Variants in PUF60 observed in about 807,000 individuals in gnomAD.
PUF60 encodes poly(U)-binding-splicing factor PUF60.
A neutral mutation model predicts 61.8 loss-of-function variants in PUF60; 10 were observed. The ratio of observed to expected loss-of-function variants is 0.16; its 90% CI spans 0.10 to 0.27. The LOEUF (loss-of-function observed/expected upper bound fraction) is 0.27. Among genes scored for constraint, PUF60 ranks in the 10% least tolerant of loss-of-function variants. The pLI, the probability that PUF60 is intolerant of heterozygous loss-of-function variation, is 1.00. For missense variants in PUF60, 371 were observed against 754.0 expected (o/e 0.49, Z 5.95); for synonymous variants, 353 against 300.9 (o/e 1.17, Z -1.79).
At chr8:143,829,112 G>A in intron 1 of PUF60, 168 bp downstream of exon 1, 5 of 1,154,632 alleles carry the variant, frequency 4.3e-6, no homozygotes, top group Non-Finnish European at 5.3e-6. Context: ...CCGGCCGCCG[G>A]CGCGCGCCCG....
chr8:143,821,629 C>T lies in PUF60; in HGVS notation c.265G>A (p.Ala89Thr), dbSNP rs2130329633. The T allele has an allele frequency of 1.3e-6, 2 of 1,545,840 alleles. No homozygotes were observed. Among genetic ancestry groups the T allele is most frequent in the Non-Finnish European group, 1.7e-6 (2 of 1,147,074 alleles). Residue 89 changes from alanine to threonine, a missense_variant, in exon 4 of 12, where the codon GCG (alanine) becomes ACG (threonine). By Grantham distance (58) the Ala-to-Thr change is moderately conservative. Transcript: ENST00000526683. ...IKSVLVKQTI[A>T]HQQQQLTNLQ... ...TTGGTGAGCTGCTGCTGCTGGTGCGCGATGGTCTGCTTCACCAGCACACTC... is the reference window on the plus strand; with the variant it reads ...TTGGTGAGCTGCTGCTGCTGGTGCGTGATGGTCTGCTTCACCAGCACACTC...
In PUF60 at chr8:143,824,337, C is replaced by T. The variant is rs373087530; in HGVS notation, c.87G>A (p.Ala29=). 1.5e-5 allele frequency: 24 copies of T among 1,612,228 alleles called. No individual in the cohort carries two copies. Among genetic ancestry groups the T allele is most frequent in the Non-Finnish European group, 1.9e-5 (23 of 1,179,648 alleles). ...CCTGTGGAGGTTTCCATTTGTCTCC[C>T]GCTGCCACCACTGCCGCCGCCGCCG... is the stretch of plus-strand genomic sequence containing the variant. ...EPAAAAAVVA[A]GDKWKPPQGT... The change falls in exon 2 of 12, where the codon GCG becomes GCA. Residue 29 remains alanine, a synonymous_variant. Transcript: ENST00000526683.
intron 1 of PUF60, chr8:143,824,687 A>G (rs1817448218): frequency 6.5e-6 from 3 of 462,854 alleles, no homozygotes; most frequent in African/African-American, 5.9e-5. Flanking sequence ...GCCCCAGGCA[A>G]AAGAAAGCCA....
rs1166113935 is a variant in PUF60, at chr8:143,817,959, A to G, written c.720T>C (p.Asp240=). 2 of 1,612,890 alleles carry G rather than the reference A, an allele frequency of 1.2e-6. No individual in the cohort carries two copies. The highest frequency in any genetic ancestry group is 1.7e-6 in the Non-Finnish European group (2 of 1,179,850). ...AGGCCTCAAACACGCTCTTGATGTC[A>G]TCGTCTGAGAGGTCCTGGTGCACAG... ...VASVHQDLSD[D]DIKSVFEAFG... is the part of the protein sequence containing the mutation. Residue 240 remains aspartate, a synonymous_variant, in exon 8 of 12, where the codon GAT becomes GAC. Transcript: ENST00000526683. The surrounding 1 kb of genome is among the most constrained non-coding windows in gnomAD (Gnocchi z 7.4).
chr8:143,821,841 C>A lies in PUF60; in HGVS notation c.184G>T (p.Glu62Ter). 6.2e-7 allele frequency: 1 copy of A among 1,610,834 alleles called. No individual in the cohort carries two copies. The highest frequency in any genetic ancestry group is 2.2e-5 in the East Asian group (1 of 44,854). ...AKLGLPPLTP[E>*]QQEALQKAKK... ...ACCTTCTGAAGGGCCTCCTGCTGCT[C>A]GGGCGTCAGGGGAGGCAGCCCCAGC... The change falls in exon 3 of 12, where the codon GAG (glutamate) becomes TAG (stop). Residue 62 changes from glutamate (E) to a stop codon, truncating the protein, a stop_gained. Transcript: ENST00000526683. LOFTEE classifies it high-confidence loss of function.
chr8:143,822,043 T>A (rs961436670), intron 2 of PUF60, 130 bp from the exon 3 acceptor site: 2 of 674,224 alleles, frequency 3.0e-6, no homozygotes, highest in East Asian at 5.5e-5. Flanking sequence ...CTGACATTGC[T>A]GTCCCCAGCC....
At position 143,816,736 on chromosome 8, in the gene PUF60, G is replaced by A; in HGVS notation, c.1464C>T (p.Gly488=). The A allele has an allele frequency of 6.2e-7, 1 of 1,613,778 alleles. No homozygotes were observed. The highest frequency in any genetic ancestry group is 8.5e-7 in the Non-Finnish European group (1 of 1,179,878). Reference sequence around the variant, plus strand: ...TGACGCGGTTCACGGCCCCGAACTTGCCACACTCCTCTGTCACCTCCCCTT... The same window carrying A: ...TGACGCGGTTCACGGCCCCGAACTTACCACACTCCTCTGTCACCTCCCCTT... ...DLEGEVTEEC[G]KFGAVNRVII... is the part of the protein sequence containing the mutation. Residue 488 remains glycine (G), a synonymous_variant, in exon 12 of 12, where the codon GGC becomes GGT. Transcript: ENST00000526683.
chr8:143,828,121 T>C (rs1413841310), intron 1 of PUF60, among the ~76,000 whole-genome samples: 2 of 152,228 alleles, frequency 1.3e-5, no homozygotes, highest in Non-Finnish European at 2.9e-5. Context: ...GTCCTGTGAA[T>C]CACACACTGG....
chr8:143,822,719 TC>T, intron 2 of PUF60: 1 of 372,508 alleles, frequency 2.7e-6, no homozygotes, highest in Non-Finnish European at 5.4e-6. Context: ...CCTGTCAAAA[TC>T]CATCTCTAAG....
intron 1 of PUF60, among the ~76,000 whole-genome samples, chr8:143,826,238 ACTGC>A (rs1282966247): frequency 6.6e-6 from 1 of 152,208 alleles, no homozygotes; most frequent in Non-Finnish European, 1.5e-5. Context: ...CAACTCTGGG[ACTGC>A]CTTTCCTCAG....
intron 1 of PUF60, 42 bp downstream of exon 1, chr8:143,829,237 CG>C: frequency 8.1e-7 from 1 of 1,242,070 alleles, no homozygotes; most frequent in South Asian, 3.5e-5. Flanking sequence ...GACCCGGCCC[CG>C]CAAGCCGAGG....
Position 143,817,428 on chromosome 8 carries a change from G to C in PUF60, c.1047C>G (p.Gly349=), listed in dbSNP as rs749620335. 1.9e-6 allele frequency: 3 copies of C among 1,606,556 alleles called. No individual in the cohort carries two copies. Among genetic ancestry groups the C allele is most frequent in the Admixed American group, 3.4e-5 (2 of 58,798 alleles). The change falls in exon 10 of 12, where the codon GGC becomes GGG. Residue 349 remains glycine, a synonymous_variant. Transcript: ENST00000526683. The surrounding 1 kb of genome is among the most constrained non-coding windows in gnomAD (Gnocchi z 7.4). ...GTGCTGGGGACACCAGTCCAGGTGT[G>C]CCCAGGGTACCCAGCACCGCTGCTC... is the stretch of plus-strand genomic sequence containing the variant. The part of the protein sequence containing the change: ...VAGAAVLGTL[G]TPGLVSPALT...
chr8:143,823,549 A>G (rs1376785398), intron 2 of PUF60, among the ~76,000 whole-genome samples: 1 of 152,240 alleles, frequency 6.6e-6, no homozygotes, highest in Non-Finnish European at 1.5e-5. Context: ...ACCAGCCCCC[A>G]CATCTCCCAG....
At chr8:143,821,787 AC>A (rs1276207141) in intron 3 of PUF60, 30 bp downstream of exon 3, 21 of 1,589,314 alleles carry the variant, frequency 1.3e-5, no homozygotes, top group Non-Finnish European at 1.6e-5. Context: ...ACTGTCCCAC[AC>A]CTGCAGTGCC....
At chr8:143,824,163 A>C (rs1817351130) in intron 2 of PUF60, 150 bp downstream of exon 2, 1 of 734,556 alleles carries the variant, frequency 1.4e-6, no homozygotes, top group Non-Finnish European at 2.2e-6. Context: ...TCCTGCGGGC[A>C]GTTGTCTGCC....
rs1433060073 is a variant in PUF60, at chr8:143,818,001, G to C, written c.678C>G (p.Asn226Lys). The C allele has an allele frequency of 6.2e-7, 1 of 1,612,852 alleles. No homozygotes were observed. Among genetic ancestry groups the C allele is most frequent in the African/African-American group, 1.3e-5 (1 of 74,936 alleles). The change falls in exon 8 of 12, where the codon AAC (asparagine) becomes AAG (lysine). Residue 226 changes from asparagine to lysine, a missense_variant. Coordinates refer to ENST00000526683, the MANE Select transcript of PUF60 (RefSeq NM_078480.3). This position sits in a 1 kb window ranked among gnomAD's most constrained non-coding sequence, Gnocchi z 7.9. ...GGTGCACAGAGGCCACGTAGATGCG[G>C]TTGAAGGCCCGTGCCTCCTCAGCCA... ...DQLAEEARAF[N>K]RIYVASVHQD...
chr8:143,822,027 G>T, intron 2 of PUF60, 114 bp from the exon 3 acceptor site: 1 of 764,802 alleles, frequency 1.3e-6, no homozygotes, highest in Non-Finnish European at 2.1e-6. Flanking sequence ...ACTCAGGCCA[G>T]CCCTTCTGAC....
intron 4 of PUF60, 87 bp from the exon 5 acceptor site, chr8:143,820,803 C>G (rs1816917522): frequency 7.8e-7 from 1 of 1,289,698 alleles, no homozygotes; most frequent in East Asian, 2.3e-5. Context: ...AGCGGCAAGG[C>G]CCGGAGTCCC....
Position 143,817,583 on chromosome 8 carries a change from G to C in PUF60, c.1008+9C>G. The C allele has an allele frequency of 6.2e-7, 1 of 1,610,958 alleles. No homozygotes were observed. The highest frequency in any genetic ancestry group is 1.7e-5 in the Admixed American group (1 of 59,868). ...CCACCCTCAAGCCGACAGCTGTGTG[G>C]GCCCTCACCTGAGCTGTGATCTTGG... On this transcript the variant is annotated intron_variant, in intron 9 of 11. Transcript: ENST00000526683. The surrounding 1 kb of genome is among the most constrained non-coding windows in gnomAD (Gnocchi z 7.4).
Sources: allele counts gnomAD v4.1 joint callset (sites outside exome capture counted in the v4.1 genomes callset), GRCh38; gene constraint gnomAD v4.1.1; non-coding constraint Gnocchi (gnomAD v3.1); transcripts MANE v1.5; gene names NCBI Gene and HGNC (gene_info 2026-07-23, HGNC 2026-07-21).